KCNIP4: variants seen among roughly 807,000 people sequenced by gnomAD.
KCNIP4 encodes potassium voltage-gated channel interacting protein 4.
A neutral mutation model predicts 34.0 loss-of-function variants in KCNIP4; 12 were observed. The ratio of observed to expected loss-of-function variants is 0.35; its 90% CI spans 0.23 to 0.57. The LOEUF (loss-of-function observed/expected upper bound fraction) is 0.57, where lower values mean the gene tolerates loss of function less well. KCNIP4 is among the 20% of genes least tolerant of loss of function. KCNIP4 has a pLI of 0.83. For missense variants in KCNIP4, 238 were observed against 311.7 expected (o/e 0.76, Z 1.78); for synonymous variants, 124 against 102.2 (o/e 1.21, Z -1.29).
At chr4:20,836,700 A>G (rs1227501387) in intron 3 of KCNIP4, among the ~76,000 whole-genome samples, 4 of 152,196 alleles carry the variant, frequency 2.6e-5, no homozygotes, top group African/African-American at 9.6e-5. Context: ...CTTAAAGTCA[A>G]CTGATTATAG....
At chr4:21,573,338 T>C (rs1740495795) in intron 1 of KCNIP4, among the ~76,000 whole-genome samples, 1 of 152,154 alleles carries the variant, frequency 6.6e-6, no homozygotes, top group South Asian at 2.1e-4. Flanking sequence ...GTTTCTCTTT[T>C]ATCAGTGGCT....
chr4:21,286,527 C>A (rs1005258227), intron 1 of KCNIP4, among the ~76,000 whole-genome samples: 1 of 152,072 alleles, frequency 6.6e-6, no homozygotes, highest in Non-Finnish European at 1.5e-5. Flanking sequence ...GAGTGAGGCA[C>A]CTCATTTCTA....
rs190009829 is a variant in KCNIP4 at position 21,020,828 on chromosome 4, T to C, written c.62-138119A>G. ...GAATAAAATAACTTGTATGGTTAAG[T>C]AGCAAAGCCAAGGAGAAGTTGGGAG... On this transcript the variant is annotated intron_variant, in intron 1 of 8. Coordinates refer to ENST00000382152, the MANE Select transcript of KCNIP4 (RefSeq NM_025221.6). Among the ~76,000 whole-genome samples the C allele has an allele frequency of 5.3e-5, 8 of 152,316 alleles. No homozygotes were observed. The East Asian group carries it at 1.2e-3, about 22-fold the overall frequency.
intron 1 of KCNIP4, among the ~76,000 whole-genome samples, chr4:20,913,238 C>T (rs1448842978): frequency 6.6e-6 from 1 of 151,128 alleles, no homozygotes; most frequent in Non-Finnish European, 1.5e-5. Flanking sequence ...AAACAATGTA[C>T]CAAAAAAATA....
chr4:20,802,042 A>T (rs555290412), intron 3 of KCNIP4, among the ~76,000 whole-genome samples: 3 of 151,236 alleles, frequency 2.0e-5, no homozygotes, highest in African/African-American at 7.3e-5. Flanking sequence ...GAAGGTAATT[A>T]TTTAATGATA....
chr4:20,818,488 A>G (rs1716696504), intron 3 of KCNIP4, among the ~76,000 whole-genome samples: 1 of 152,210 alleles, frequency 6.6e-6, no homozygotes, highest in Non-Finnish European at 1.5e-5. Context: ...GGACTGGCTC[A>G]GATCTCATAA....
At chr4:21,451,008 G>T (rs1449420340) in intron 1 of KCNIP4, among the ~76,000 whole-genome samples, 9 of 151,944 alleles carry the variant, frequency 5.9e-5, no homozygotes, top group African/African-American at 1.2e-4. Flanking sequence ...CAAATGTGTG[G>T]TTTTAAACAC....
At chr4:20,873,442 T>A (rs1723693518) in intron 2 of KCNIP4, among the ~76,000 whole-genome samples, 1 of 152,176 alleles carries the variant, frequency 6.6e-6, no homozygotes, top group Admixed American at 6.5e-5. Flanking sequence ...AATTTTCTTG[T>A]CGTCTTTCTC....
chr4:21,407,662 T>C (rs1188286041), intron 1 of KCNIP4, among the ~76,000 whole-genome samples: 1 of 152,202 alleles, frequency 6.6e-6, no homozygotes, highest in Non-Finnish European at 1.5e-5. Flanking sequence ...TGCCAGAACC[T>C]AAACTCTTAA....
At chr4:21,331,680 A>G (rs1382153008) in intron 1 of KCNIP4, among the ~76,000 whole-genome samples, 1 of 152,140 alleles carries the variant, frequency 6.6e-6, no homozygotes, top group Admixed American at 6.6e-5. Context: ...ATTGCCTTAC[A>G]TATGTCCTTT....
intron 1 of KCNIP4, among the ~76,000 whole-genome samples, chr4:21,793,050 C>G (rs1050711073): frequency 6.6e-6 from 1 of 152,136 alleles, no homozygotes; most frequent in Non-Finnish European, 1.5e-5. Flanking sequence ...GAGAAGCAAA[C>G]TGAGGTAAGG....
At chr4:21,003,326 CA>C (rs1488678393) in intron 1 of KCNIP4, among the ~76,000 whole-genome samples, 2 of 152,148 alleles carry the variant, frequency 1.3e-5, no homozygotes, top group Non-Finnish European at 2.9e-5. Flanking sequence ...CAACACAATC[CA>C]TAAGGTGGGG....
chr4:21,636,746 C>A (rs1265159343), intron 1 of KCNIP4, among the ~76,000 whole-genome samples: 1 of 152,160 alleles, frequency 6.6e-6, no homozygotes, highest in Non-Finnish European at 1.5e-5. Flanking sequence ...CAACTGATTT[C>A]TTCACAATGG....
At chr4:21,540,259 G>T (rs1329671814) in intron 1 of KCNIP4, among the ~76,000 whole-genome samples, 1 of 152,100 alleles carries the variant, frequency 6.6e-6, no homozygotes, top group Non-Finnish European at 1.5e-5. Context: ...TTACAAAACA[G>T]TCATATTGCC....
Position 21,259,920 on chromosome 4 carries a change from T to TGTGTGCGCGC in KCNIP4, c.62-377212_62-377211insGCGCGCACAC, listed in dbSNP as rs755266993. ...GTGTGTGTGTGTGTGTGTGTGTGTG[T>TGTGTGCGCGC]GCACGTGCGCTTATGTGCATTGTGC... On this transcript the variant is annotated intron_variant, in intron 1 of 8. Coordinates refer to ENST00000382152, the MANE Select transcript of KCNIP4 (RefSeq NM_025221.6). Among the ~76,000 whole-genome samples the TGTGTGCGCGC allele has an allele frequency of 4.3e-4, 64 of 150,200 alleles. No individual in the cohort carries two copies. In the East Asian group the frequency reaches 0.012, roughly 29 times the overall value.
chr4:20,933,075 T>C (rs971862451), intron 1 of KCNIP4, among the ~76,000 whole-genome samples: 2 of 152,024 alleles, frequency 1.3e-5, no homozygotes, highest in East Asian at 3.9e-4. Flanking sequence ...GAGAAACCTG[T>C]CTCCACTAAA....
chr4:21,589,128 T>A (rs1222202811), intron 1 of KCNIP4, among the ~76,000 whole-genome samples: 4 of 133,832 alleles, frequency 3.0e-5, no homozygotes, highest in African/African-American at 1.1e-4. Context: ...CTGGACTCAG[T>A]GCTGTAGGGG....
chr4:21,267,348 AG>A (rs1242214085), intron 1 of KCNIP4, among the ~76,000 whole-genome samples: 1 of 145,968 alleles, frequency 6.9e-6, no homozygotes, highest in East Asian at 2.0e-4. Context: ...GCATGAATAA[AG>A]GTAGATTAAA....
chr4:20,744,056 C>G (rs1751832548), intron 5 of KCNIP4, among the ~76,000 whole-genome samples: 1 of 152,074 alleles, frequency 6.6e-6, no homozygotes, highest in Admixed American at 6.5e-5. Flanking sequence ...ATCAAAACCA[C>G]AATGAGATAC....
Sources: gnomAD v4.1 joint callset for allele counts (sites outside exome capture counted in the v4.1 genomes callset) on GRCh38, gnomAD v4.1.1 for gene constraint, MANE v1.5 for transcripts, NCBI Gene and HGNC (gene_info 2026-07-23, HGNC 2026-07-21) for gene names.